The following AKR1C2 variants were observed in gnomAD, a reference collection of about 807,000 sequenced individuals.
AKR1C2 encodes the protein 3-alpha-HSD3.
AKR1C2 carries 27 observed loss-of-function variants against 39.8 expected under a neutral mutation model. The observed-to-expected ratio is 0.68, with a 90% confidence interval of 0.50 to 0.93. AKR1C2 has a LOEUF of 0.93. AKR1C2 is among the 40% of genes least tolerant of loss of function. The pLI, the probability that AKR1C2 is intolerant of heterozygous loss-of-function variation, is 0.00. For synonymous variants in AKR1C2, 114 were observed against 137.9 expected, an observed-to-expected ratio of 0.83 and a Z score of 1.22; for missense variants, 263 against 365.1, an observed-to-expected ratio of 0.72 and a Z score of 2.28.
At chr10:5,011,847 G>C (rs1452792113) in intron 1 of AKR1C2, among the ~76,000 whole-genome samples, 6 of 152,194 alleles carry the variant, frequency 3.9e-5, no homozygotes, top group Non-Finnish European at 7.3e-5. Flanking sequence ...AGCGTAAGAG[G>C]CTTCATTAGT....
intron 3 of AKR1C2, 80 bp from the exon 4 acceptor site, chr10:4,999,357 A>G (rs540181980): frequency 6.2e-7 from 1 of 1,602,194 alleles, no homozygotes; most frequent in Admixed American, 1.7e-5. Flanking sequence ...ACATTTAAGG[A>G]CACTAATCCT....
At chr10:5,002,521 G>C (rs529755487) in intron 1 of AKR1C2, among the ~76,000 whole-genome samples, 3 of 152,038 alleles carry the variant, frequency 2.0e-5, no homozygotes, top group African/African-American at 7.2e-5. Flanking sequence ...TAAGAAATAG[G>C]CTGCAGGGAG....
rs1331079425 is a variant in AKR1C2 at position 4,988,665 on chromosome 10, A to C, written c.*1331T>G. On this transcript the variant is annotated 3_prime_UTR_variant, in exon 9 of 9. Coordinates refer to ENST00000380753, the MANE Select transcript of AKR1C2 (RefSeq NM_001393392.1). ...TTGAGAAGGAATCTCTGATGGGGTT[A>C]ACATGGCTACCAGAGTACGAATAGT... 6.6e-6 allele frequency: 1 copy of C among 152,148 alleles called. No homozygotes were observed. The highest frequency in any genetic ancestry group is 1.5e-5 in the Non-Finnish European group (1 of 68,020). 9.4% of individuals were successfully genotyped at this position (152,148 alleles called of 1,614,324 possible).
intron 6 of AKR1C2, 76 bp downstream of exon 6, chr10:4,995,680 C>T (rs1554772888): frequency 6.8e-7 from 1 of 1,473,336 alleles, no homozygotes; most frequent in African/African-American, 1.4e-5. Context: ...GAGTGAACTC[C>T]AGGAAACAGC....
intron 3 of AKR1C2, chr10:5,000,147 G>A (rs1837210975): frequency 1.5e-6 from 2 of 1,304,996 alleles, no homozygotes; most frequent in African/African-American, 3.0e-5. Flanking sequence ...CCCTTGAAAA[G>A]AGGCAAGAAG....
chr10:4,988,341 T>A lies in AKR1C2; in HGVS notation c.*1655A>T, dbSNP rs4584482. ...TTCTTTGAGACATGCTAAGTGTGAATGTCCATTAAACTTTAACATGGAGAT... is the reference window on the plus strand; with the variant it reads ...TTCTTTGAGACATGCTAAGTGTGAAAGTCCATTAAACTTTAACATGGAGAT... On this transcript the variant is annotated 3_prime_UTR_variant, in exon 9 of 9. Coordinates refer to ENST00000380753, the MANE Select transcript of AKR1C2 (RefSeq NM_001393392.1). 6.6e-6 allele frequency: 1 copy of A among 152,128 alleles called. No homozygotes were observed. Among genetic ancestry groups the A allele is most frequent in the Non-Finnish European group, 1.5e-5 (1 of 68,018 alleles). The allele number at this position is 152,128 out of a possible 1,614,324, so 9.4% of individuals were successfully genotyped here. A position where few individuals can be genotyped will look rare whatever the true frequency, so the allele number is the denominator to read the frequency against.
chr10:5,005,485 A>G (rs566230782), upstream of AKR1C2, among the ~76,000 whole-genome samples: 1 of 151,556 alleles, frequency 6.6e-6, no homozygotes, highest in African/African-American at 2.4e-5. Context: ...GATGGAAACC[A>G]TCCTGGCCAA....
At chr10:4,997,682 A>T (rs1554773250) in intron 5 of AKR1C2, among the ~76,000 whole-genome samples, 1 of 152,208 alleles carries the variant, frequency 6.6e-6, no homozygotes. Flanking sequence ...TACTAGTATT[A>T]AAACCACATT....
Position 5,001,688 on chromosome 10 carries a change from G to T in AKR1C2, c.85-7C>A. On this transcript the variant is annotated splice_region_variant and splice_polypyrimidine_tract_variant and intron_variant, in intron 1 of 8. Transcript: ENST00000380753. The stretch of plus-strand genomic sequence containing the variant: ...GAGCTTTACTTTTAGGAACCTGGGG[G>T]AGCAACCAAACGTAATATTTTCTGA... The T allele has an allele frequency of 6.2e-7, 1 of 1,613,562 alleles. No individual in the cohort carries two copies. The highest frequency in any genetic ancestry group is 2.2e-5 in the East Asian group (1 of 44,878).
chr10:4,998,202 G>C (rs1837127740), intron 5 of AKR1C2, among the ~76,000 whole-genome samples: 1 of 150,476 alleles, frequency 6.6e-6, no homozygotes, highest in Non-Finnish European at 1.5e-5. Context: ...TGAATCCCTA[G>C]TATTTCTCTT....
At chr10:4,990,742 C>T (rs532569055) in intron 8 of AKR1C2, among the ~76,000 whole-genome samples, 4 of 151,926 alleles carry the variant, frequency 2.6e-5, no homozygotes, top group Non-Finnish European at 4.4e-5. Flanking sequence ...CTTGGAAGCT[C>T]GCAAGTGGTT....
chr10:4,992,955 A>G (rs1271098188), intron 7 of AKR1C2, among the ~76,000 whole-genome samples: 2 of 152,200 alleles, frequency 1.3e-5, no homozygotes, highest in East Asian at 3.8e-4. Flanking sequence ...GTCTCAAAAA[A>G]AAAATGATCA....
chr10:5,000,597 A>T lies in AKR1C2; in HGVS notation c.322T>A (p.Leu108Met), dbSNP rs145355870. The T allele has an allele frequency of 6.2e-7, 1 of 1,613,918 alleles. No individual in the cohort carries two copies. Among genetic ancestry groups the T allele is most frequent in the South Asian group, 1.1e-5 (1 of 91,072 alleles). The change falls in exon 3 of 9, where the codon TTG becomes ATG. Residue 108 changes from leucine to methionine, a missense_variant. Transcript: ENST00000380753. ...ATAAGATAGAGGTCAACATAGTCCA[A>T]TTGAAGATTTTTCAGTGACCTTTCC... is the stretch of plus-strand genomic sequence containing the variant. ...ALERSLKNLQLDYVDLYLIHF... is the reference protein window; with the variant it reads ...ALERSLKNLQMDYVDLYLIHF...
intron 1 of AKR1C2, among the ~76,000 whole-genome samples, chr10:5,010,979 C>T (rs1268107926): frequency 2.0e-5 from 3 of 146,720 alleles, no homozygotes; most frequent in African/African-American, 7.6e-5. Context: ...TTCAAAAACA[C>T]AAATGAGAGA....
intron 7 of AKR1C2, among the ~76,000 whole-genome samples, chr10:4,994,704 C>T (rs1160804806): frequency 6.6e-6 from 1 of 150,564 alleles, no homozygotes; most frequent in Non-Finnish European, 1.5e-5. Context: ...CATGAGAGCC[C>T]AGCCAGGAAC....
chr10:4,996,170 A>G (rs1554773062), intron 5 of AKR1C2: 3 of 270,614 alleles, frequency 1.1e-5, no homozygotes, highest in Non-Finnish European at 2.1e-5. Flanking sequence ...AGCCTTGGGC[A>G]TCAAATCGTG....
chr10:5,009,241 G>A (rs1305764107), intron 1 of AKR1C2, among the ~76,000 whole-genome samples: 10 of 152,162 alleles, frequency 6.6e-5, no homozygotes, highest in Non-Finnish European at 1.5e-4. Flanking sequence ...TTTTTTCAGA[G>A]TGAACTCTGT....
chr10:4,998,727 A>G lies in AKR1C2; in HGVS notation c.468T>C (p.Asp156=). Reference sequence around the variant, plus strand: ...CCCCGATGGACTTGGCCAATCCTGCATCTTTACACTTCTCCATGGCCTGGG... The same window carrying G: ...CCCCGATGGACTTGGCCAATCCTGCGTCTTTACACTTCTCCATGGCCTGGG... The part of the protein sequence containing the change: ...ATWEAMEKCK[D]AGLAKSIGVS... Residue 156 remains aspartate, a synonymous_variant, in exon 5 of 9, where the codon GAT becomes GAC. Transcript: ENST00000380753. 2 of 1,614,150 alleles carry G rather than the reference A, an allele frequency of 1.2e-6. No individual in the cohort carries two copies. The highest frequency in any genetic ancestry group is 1.1e-5 in the South Asian group (1 of 91,078).
chr10:4,999,474 C>A (rs1837181983), intron 3 of AKR1C2, 197 bp from the exon 4 acceptor site: 1 of 1,149,256 alleles, frequency 8.7e-7, no homozygotes. Flanking sequence ...TAATCTCTTA[C>A]ACCTATTATA....
Sources: gnomAD v4.1 joint callset for allele counts (sites outside exome capture counted in the v4.1 genomes callset) on GRCh38, gnomAD v4.1.1 for gene constraint, MANE v1.5 for transcripts, NCBI Gene and HGNC (gene_info 2026-07-23, HGNC 2026-07-21) for gene names.